LSS: variants seen among roughly 807,000 people sequenced by gnomAD.
LSS encodes the protein 2,3-epoxysqualene-lanosterol cyclase.
In LSS, 90 loss-of-function variants were observed where a neutral mutation model predicts 110.3. The ratio of observed to expected loss-of-function variants is 0.82; its 90% CI spans 0.69 to 0.97. The LOEUF is 0.97. LSS is among the 50% of genes least tolerant of loss of function. The probability of loss-of-function intolerance (pLI) is 0.00; values close to 1 mark genes in which losing one functional copy is unlikely to be tolerated. For synonymous variants in LSS, 433 were observed against 400.0 expected (o/e 1.08, Z -0.98); for missense variants, 927 against 990.0 (o/e 0.94, Z 0.85).
chr21:46,190,696 C>T lies in LSS; in HGVS notation c.*408G>A. On this transcript the variant is annotated 3_prime_UTR_variant, in exon 22 of 22. Coordinates refer to ENST00000397728, the MANE Select transcript of LSS (RefSeq NM_002340.6). The surrounding 1 kb of genome is among the most constrained non-coding windows in gnomAD (Gnocchi z 4.6). The stretch of plus-strand genomic sequence containing the variant: ...CAGGAGAAGCCTGCCCAGGGCCGAC[C>T]CCAGCCCAGAGCCCACTCGACACTA... The T allele has an allele frequency of 5.0e-6, 1 of 199,066 alleles. No homozygotes were observed. Among genetic ancestry groups the T allele is most frequent in the East Asian group, 1.3e-4 (1 of 7,846 alleles). 12.3% of individuals were successfully genotyped at this position (199,066 alleles called of 1,614,324 possible).
rs760388916 is a variant in LSS at position 46,203,523 on chromosome 21, G to A, written c.1670+2313C>T. 3.7e-4 allele frequency among the ~76,000 whole-genome samples: 56 copies of A among 152,346 alleles called. 1 individual carries two copies. The highest frequency in any genetic ancestry group is 1.9e-3 in the Admixed American group (29 of 15,306). ...CTTTGCGCTTCTCTGTATTTTGCAA[G>A]TCTTGTTTGCAAAGAACCTGCTTTA... On this transcript the variant is annotated intron_variant, in intron 17 of 21. Transcript: ENST00000397728.
intron 17 of LSS, among the ~76,000 whole-genome samples, chr21:46,204,699 G>A (rs1014077020): frequency 1.1e-4 from 17 of 151,970 alleles, no homozygotes; most frequent in Non-Finnish European, 2.2e-4. Context: ...AAATCTCCAG[G>A]CCCAACTGGC....
intron 17 of LSS, among the ~76,000 whole-genome samples, chr21:46,197,338 T>C (rs531639692): frequency 6.6e-6 from 1 of 152,238 alleles, no homozygotes; most frequent in South Asian, 2.1e-4. Flanking sequence ...ATAGAGAACC[T>C]AAACAGTCCT....
rs886159582 is a variant in LSS, at chr21:46,216,998, G to C, written c.648-474C>G. 1.3e-5 allele frequency among the ~76,000 whole-genome samples: 2 copies of C among 152,132 alleles called. No individual in the cohort carries two copies. The highest frequency in any genetic ancestry group is 4.8e-5 in the African/African-American group (2 of 41,440). ...ACGGTGGCTCACGCCTGTAACCCTA[G>C]CACTTTGGGAGGCCGAGGCTGGTGG... On this transcript the variant is annotated intron_variant, in intron 6 of 21. Coordinates refer to ENST00000397728, the MANE Select transcript of LSS (RefSeq NM_002340.6). The surrounding 1 kb of genome is among the most constrained non-coding windows in gnomAD (Gnocchi z 4.2).
intron 11 of LSS, among the ~76,000 whole-genome samples, chr21:46,211,776 T>C (rs551981367): frequency 6.6e-6 from 1 of 152,134 alleles, no homozygotes; most frequent in Non-Finnish European, 1.5e-5. Flanking sequence ...ACCAGTCAGA[T>C]CTGCAATGTG....
chr21:46,208,214 G>A lies in LSS; in HGVS notation c.1317+37C>T, dbSNP rs764483065. On this transcript the variant is annotated intron_variant, in intron 14 of 21. Coordinates refer to ENST00000397728, the MANE Select transcript of LSS (RefSeq NM_002340.6). The stretch of plus-strand genomic sequence containing the variant: ...CACCCTGCTGAGGGCGGCCTCCCCT[G>A]GGGGACGGGACAGGGATGGGGCTGG... The A allele has an allele frequency of 6.0e-5, 93 of 1,548,084 alleles. 3 individuals are homozygous for A. The highest frequency in any genetic ancestry group is 5.6e-4 in the East Asian group (23 of 40,910).
Position 46,227,546 on chromosome 21 carries a change from T to C in LSS, c.319+6A>G, listed in dbSNP as rs1362181653. The C allele has an allele frequency of 6.2e-7, 1 of 1,613,804 alleles. No homozygotes were observed. The highest frequency in any genetic ancestry group is 2.2e-5 in the East Asian group (1 of 44,892). On this transcript the variant is annotated splice_donor_region_variant and intron_variant, in intron 3 of 21. Coordinates refer to ENST00000397728, the MANE Select transcript of LSS (RefSeq NM_002340.6). The stretch of plus-strand genomic sequence containing the variant: ...ATACCATCAGGCTGGGGCAGCATAC[T>C]CCTACCTGGCAGGAGGAAAAGTGGG...
intron 9 of LSS, among the ~76,000 whole-genome samples, chr21:46,214,222 G>A (rs976145443): frequency 2.0e-5 from 3 of 152,222 alleles, no homozygotes; most frequent in Non-Finnish European, 4.4e-5. Context: ...AGACAGGACT[G>A]TAGCAGTAGG....
intron 3 of LSS, among the ~76,000 whole-genome samples, chr21:46,225,553 A>T (rs2080328128): frequency 6.6e-6 from 1 of 152,208 alleles, no homozygotes; most frequent in African/African-American, 2.4e-5. Context: ...CGGAGGCCTA[A>T]CCATCTCCCT....
chr21:46,221,346 G>A (rs903591987), intron 5 of LSS, among the ~76,000 whole-genome samples: 3 of 89,020 alleles, frequency 3.4e-5, no homozygotes, highest in Non-Finnish European at 6.6e-5. Flanking sequence ...TTACCTGGTT[G>A]TCTTAGTTTG....
At chr21:46,222,076 A>C in intron 4 of LSS, 101 bp from the exon 5 acceptor site, 2 of 1,407,468 alleles carry the variant, frequency 1.4e-6, no homozygotes, top group South Asian at 1.3e-5. Flanking sequence ...TAAGAATGCT[A>C]AAATGCCTTA....
At chr21:46,195,572 A>G in intron 19 of LSS, 104 bp downstream of exon 19, 1 of 1,104,998 alleles carries the variant, frequency 9.0e-7, no homozygotes, top group Non-Finnish European at 1.4e-6. Flanking sequence ...AAAAACAAAC[A>G]AACAAACAAA....
At chr21:46,217,792 C>T (rs1201958639) in intron 6 of LSS, among the ~76,000 whole-genome samples, 1 of 152,196 alleles carries the variant, frequency 6.6e-6, no homozygotes, top group Non-Finnish European at 1.5e-5. Context: ...TGCTGACTGC[C>T]GTCTCAGTCC....
In LSS at chr21:46,191,000, G is replaced by A. The variant is rs921621267; in HGVS notation, c.*104C>T. 5.9e-6 allele frequency: 8 copies of A among 1,367,266 alleles called. No individual in the cohort carries two copies. Among genetic ancestry groups the A allele is most frequent in the African/African-American group, 5.8e-5 (4 of 69,498 alleles). 84.7% of individuals were successfully genotyped at this position (1,367,266 alleles called of 1,614,324 possible). A position where few individuals can be genotyped will look rare whatever the true frequency, so the allele number is the denominator to read the frequency against. On this transcript the variant is annotated 3_prime_UTR_variant, in exon 22 of 22. Transcript: ENST00000397728. This position sits in a 1 kb window ranked among gnomAD's most constrained non-coding sequence, Gnocchi z 4.6. ...TTCACATCTATGAGATAGAGGTTGA[G>A]GGGTTGGAGCCCAAGACAGGGTTAT...
intron 14 of LSS, 143 bp downstream of exon 14, chr21:46,208,108 G>C: frequency 1.4e-6 from 1 of 703,732 alleles, no homozygotes; most frequent in Non-Finnish European, 2.4e-6. Context: ...CCCTAGGCCA[G>C]GCATCCACCA....
At chr21:46,192,800 G>A (rs562010973) in intron 20 of LSS, 1 of 444,780 alleles carries the variant, frequency 2.2e-6, no homozygotes, top group South Asian at 1.6e-5. Flanking sequence ...GCATAGACCT[G>A]TGTGTACATC....
In LSS at chr21:46,206,716, C is replaced by T. The variant is rs199896537; in HGVS notation, c.1520G>A (p.Arg507His). 74 of 1,613,040 alleles carry T rather than the reference C, an allele frequency of 4.6e-5. No homozygotes were observed. The highest frequency in any genetic ancestry group is 1.6e-4 in the Middle Eastern group (1 of 6,082). ...DGGFATYETK[R>H]GGHLLELLNP... The stretch of plus-strand genomic sequence containing the variant: ...CAGCAGCTCCAGCAAGTGCCCCCCA[C>T]GCTTGGTCTCATAGGTGGCGAACCC... The change falls in exon 16 of 22, where the codon CGT becomes CAT. Residue 507 changes from arginine (R) to histidine (H), a missense_variant. Coordinates refer to ENST00000397728, the MANE Select transcript of LSS (RefSeq NM_002340.6).
intron 16 of LSS, among the ~76,000 whole-genome samples, chr21:46,206,291 T>C (rs529635734): frequency 6.6e-6 from 1 of 152,274 alleles, no homozygotes; most frequent in African/African-American, 2.4e-5. Context: ...AGCAGCCTAC[T>C]GCCCATGGCA....
rs914122505 is a variant in LSS, at chr21:46,209,472, G to A, written c.1266+82C>T. On this transcript the variant is annotated intron_variant, in intron 13 of 21. Transcript: ENST00000397728. This position sits in a 1 kb window ranked among gnomAD's most constrained non-coding sequence, Gnocchi z 4.4. ...GCAGGAAATAGGGCAGGGTGGAGGT[G>A]AGGTGGGCACTTCTGCCTGCAGGAG... 8.0e-5 allele frequency: 102 copies of A among 1,268,654 alleles called. 2 individuals carry two copies. The highest frequency in any genetic ancestry group is 6.8e-4 in the South Asian group (49 of 72,318). 78.6% of individuals were successfully genotyped at this position (1,268,654 alleles called of 1,614,324 possible).
Sources: gnomAD v4.1 joint callset for allele counts (sites outside exome capture counted in the v4.1 genomes callset) on GRCh38, gnomAD v4.1.1 for gene constraint, Gnocchi (gnomAD v3.1) non-coding constraint, MANE v1.5 for transcripts, NCBI Gene and HGNC (gene_info 2026-07-23, HGNC 2026-07-21) for gene names.